ABCA1: variants seen among roughly 807,000 people sequenced by gnomAD.
The protein encoded by ABCA1 is phospholipid-transporting ATPase ABCA1.
ABCA1 carries 133 observed loss-of-function variants against 262.5 expected under a neutral mutation model. The ratio of observed to expected loss-of-function variants is 0.51; its 90% CI spans 0.44 to 0.59. The LOEUF is 0.59. ABCA1 is among the 20% of genes least tolerant of loss of function. ABCA1 has a pLI of 0.00. For missense variants in ABCA1, 2,452 were observed against 2,777.5 expected (o/e 0.88, Z 2.63); for synonymous variants, 1,022 against 1,043.5 (o/e 0.98, Z 0.40).
intron 9 of ABCA1, among the ~76,000 whole-genome samples, chr9:104,839,453 T>G (rs1342205216): frequency 6.6e-6 from 1 of 152,186 alleles, no homozygotes; most frequent in Non-Finnish European, 1.5e-5. Flanking sequence ...AGGGTTATCA[T>G]GAGGGTAAAA....
Position 104,832,593 on chromosome 9 carries a change from G to A in ABCA1, c.1490C>T (p.Thr497Ile). Residue 497 changes from threonine (T) to isoleucine (I), a missense_variant, in exon 12 of 50, where the codon ACC becomes ATC. Thr to Ile is a moderately conservative substitution (Grantham distance 89, BLOSUM62 -1). This residue lies in a region of ABCA1 where 1,032 missense variants were observed against 1,089.7 expected (regional missense o/e 0.95). Coordinates refer to ENST00000374736, the MANE Select transcript of ABCA1 (RefSeq NM_005502.4). ...AFNETNQAIR[T>I]ISRFMECVNL... ...ATTCACCTCCATGAAGCGAGATATG[G>A]TCCGGATTGCCTGGTTAGTCTCGTT... 6.2e-7 allele frequency: 1 copy of A among 1,614,166 alleles called. No individual in the cohort carries two copies. Among genetic ancestry groups the A allele is most frequent in the South Asian group, 1.1e-5 (1 of 91,082 alleles).
chr9:104,909,220 C>T (rs983616467), intron 1 of ABCA1, among the ~76,000 whole-genome samples: 4 of 152,158 alleles, frequency 2.6e-5, no homozygotes, highest in Admixed American at 2.0e-4. Context: ...AAATATTTAT[C>T]GAGTGCCTAT....
intron 42 of ABCA1, among the ~76,000 whole-genome samples, 159 bp from the exon 43 acceptor site, chr9:104,792,157 G>A (rs1268820728): frequency 2.6e-5 from 4 of 152,210 alleles, no homozygotes; most frequent in Non-Finnish European, 4.4e-5. Context: ...GCCTTGGTCT[G>A]CGTTTGTGGC....
intron 2 of ABCA1, among the ~76,000 whole-genome samples, chr9:104,889,759 A>G (rs1001746813): frequency 2.0e-5 from 3 of 152,176 alleles, no homozygotes; most frequent in African/African-American, 7.2e-5. Context: ...ATTGCACACA[A>G]AGCTGCTCCC....
chr9:104,873,513 C>T (rs1450359088), intron 5 of ABCA1, among the ~76,000 whole-genome samples: 2 of 152,204 alleles, frequency 1.3e-5, no homozygotes, highest in Non-Finnish European at 2.9e-5. Flanking sequence ...CAGCCCATGC[C>T]CCATGTCCTG....
rs770647842 is a variant in ABCA1, at chr9:104,793,171, C to G, written c.5636G>C (p.Arg1879Thr). ...CCACGGGTTCTAAGAAAAAGCTCACCTGGGCCTGATGAAGAATCTGTACTG... is the reference window on the plus strand; with the variant it reads ...CCACGGGTTCTAAGAAAAAGCTCACGTGGGCCTGATGAAGAATCTGTACTG... ...LIQYRFFIRP[R>T]PVNAKLSPLN... The change falls in exon 41 of 50, where the codon AGA becomes ACA. Residue 1879 changes from arginine to threonine, a missense_variant and splice_region_variant. Around this residue, in one of 4 missense-constraint regions of ABCA1, gnomAD observed 752 missense variants for 944.5 expected, o/e 0.80. Transcript: ENST00000374736. The G allele has an allele frequency of 1.4e-5, 23 of 1,613,898 alleles. No individual in the cohort carries two copies.
chr9:104,911,833 G>T (rs77852426), intron 1 of ABCA1, among the ~76,000 whole-genome samples: 14,631 of 152,152 alleles, frequency 0.096, 1,543 homozygotes, highest in African/African-American at 0.27. Flanking sequence ...AAAGGGGTAA[G>T]AAATCCTCCA....
intron 1 of ABCA1, among the ~76,000 whole-genome samples, chr9:104,916,999 T>C (rs550969817): frequency 6.6e-6 from 1 of 152,358 alleles, no homozygotes; most frequent in Admixed American, 6.5e-5. Flanking sequence ...AATATGTTGC[T>C]ATTTTCTCCC....
intron 2 of ABCA1, among the ~76,000 whole-genome samples, chr9:104,890,818 A>T (rs1839664197): frequency 6.6e-6 from 1 of 152,194 alleles, no homozygotes; most frequent in Admixed American, 6.5e-5. Context: ...GGAAAATTTG[A>T]AAATAAAAAA....
At chr9:104,787,329 A>AC (rs1445485850) in intron 46 of ABCA1, among the ~76,000 whole-genome samples, 1 of 152,140 alleles carries the variant, frequency 6.6e-6, no homozygotes, top group Non-Finnish European at 1.5e-5. Context: ...TGAAGTCAGT[A>AC]TAAGATTGGG....
chr9:104,886,310 T>G (rs80272895), intron 3 of ABCA1, among the ~76,000 whole-genome samples: 379 of 152,290 alleles, frequency 2.5e-3, no homozygotes, highest in Middle Eastern at 0.017. Flanking sequence ...TTGCTGCACT[T>G]TGCATTTCAA....
intron 48 of ABCA1, among the ~76,000 whole-genome samples, 192 bp downstream of exon 48, chr9:104,786,106 A>T (rs1828906691): frequency 6.6e-6 from 1 of 152,220 alleles, no homozygotes; most frequent in African/African-American, 2.4e-5. Context: ...CTTGCCCAAG[A>T]GTCACAGAAC....
chr9:104,805,136 G>A (rs577320583), intron 31 of ABCA1, among the ~76,000 whole-genome samples: 167 of 152,104 alleles, frequency 1.1e-3, no homozygotes, highest in Non-Finnish European at 2.0e-3. Flanking sequence ...GTACAGTGGC[G>A]CAATTTTGGC....
In ABCA1 at chr9:104,796,041, T is replaced by G; in HGVS notation, c.5382+12A>C. 2 of 1,612,370 alleles carry G rather than the reference T, an allele frequency of 1.2e-6. No individual in the cohort carries two copies. The highest frequency in any genetic ancestry group is 1.7e-6 in the Non-Finnish European group (2 of 1,179,960). Reference sequence around the variant, plus strand: ...CTCATCCCAGCAGGAGTGTTCTCTCTGCATGACTCACATTGTCGGTGAACA... The same window carrying G: ...CTCATCCCAGCAGGAGTGTTCTCTCGGCATGACTCACATTGTCGGTGAACA... On this transcript the variant is annotated intron_variant, in intron 39 of 49. Coordinates refer to ENST00000374736, the MANE Select transcript of ABCA1 (RefSeq NM_005502.4).
At chr9:104,866,780 G>A (rs564579720) in intron 5 of ABCA1, among the ~76,000 whole-genome samples, 10 of 152,218 alleles carry the variant, frequency 6.6e-5, no homozygotes, top group South Asian at 2.1e-4. Context: ...GAGCCACCGC[G>A]CCCGGCGTTT....
At chr9:104,791,531 A>T (rs1170587453) in intron 43 of ABCA1, among the ~76,000 whole-genome samples, 3 of 152,064 alleles carry the variant, frequency 2.0e-5, no homozygotes, top group Non-Finnish European at 4.4e-5. Context: ...GGTTCAAGCA[A>T]TTCTCCTGCC....
At chr9:104,828,799 C>T in intron 15 of ABCA1, 117 bp downstream of exon 15, 1 of 1,060,250 alleles carries the variant, frequency 9.4e-7, no homozygotes, top group East Asian at 2.6e-5. Flanking sequence ...CAGGAAATGA[C>T]AGGTATGACC....
rs1228660057 is a variant in ABCA1, at chr9:104,817,168, AC to A, written c.3535+163del. ...AGGCACCCCAGCAAGCATTAGGCCA[AC>A]CCGCCACCAAGCTGCTCCCACACCC... On this transcript the variant is annotated intron_variant, in intron 24 of 49. Transcript: ENST00000374736. The surrounding 1 kb of genome is among the most constrained non-coding windows in gnomAD (Gnocchi z 4.7). 1.0e-6 allele frequency: 1 copy of A among 980,874 alleles called. No individual in the cohort carries two copies. Among genetic ancestry groups the A allele is most frequent in the Non-Finnish European group, 1.2e-6 (1 of 826,372 alleles). 60.8% of individuals were successfully genotyped at this position (980,874 alleles called of 1,614,324 possible). A position where few individuals can be genotyped will look rare whatever the true frequency, so the allele number is the denominator to read the frequency against.
chr9:104,809,554 G>A lies in ABCA1; in HGVS notation c.4186C>T (p.Pro1396Ser), dbSNP rs2118925023. 1.9e-6 allele frequency: 3 copies of A among 1,614,164 alleles called. No homozygotes were observed. The highest frequency in any genetic ancestry group is 2.5e-6 in the Non-Finnish European group (3 of 1,179,990). Residue 1396 changes from proline to serine, a missense_variant, in exon 30 of 50, where the codon CCT becomes TCT. Physicochemically the swap from Pro to Ser is moderately conservative, Grantham distance 74. Coordinates refer to ENST00000374736, the MANE Select transcript of ABCA1 (RefSeq NM_005502.4). ...AGTTCCAGGGTTCCCGTGTCCTCAG[G>A]AGCATCATTGCTGTGGGTACATGAG... Reference protein sequence around the residue: ...EQYTFVSNDAPEDTGTLELLN... With the variant: ...EQYTFVSNDASEDTGTLELLN...
Sources: allele counts gnomAD v4.1 joint callset (sites outside exome capture counted in the v4.1 genomes callset), GRCh38; gene constraint gnomAD v4.1.1; regional missense constraint gnomAD v4.1.1; non-coding constraint Gnocchi (gnomAD v3.1); transcripts MANE v1.5; gene names NCBI Gene and HGNC (gene_info 2026-07-23, HGNC 2026-07-21).